The following WDR26 variants were observed in gnomAD, a reference collection of about 807,000 sequenced individuals.
WDR26 encodes the protein WD repeat domain 26.
Under a neutral mutation model 84.1 loss-of-function variants are expected in WDR26, and 5 were observed. That is an observed-to-expected ratio of 0.06 (90% CI 0.03 to 0.13). The LOEUF is 0.13. Ranked by LOEUF, WDR26 falls within the 10% of genes least tolerant of loss-of-function variation. The probability of loss-of-function intolerance (pLI) is 1.00; values close to 1 mark genes in which losing one functional copy is unlikely to be tolerated. For synonymous variants in WDR26, 415 were observed against 389.6 expected (o/e 1.07, Z -0.77); for missense variants, 642 against 974.9 (o/e 0.66, Z 4.55).
chr1:224,404,253 A>G (rs962960807), intron 8 of WDR26, among the ~76,000 whole-genome samples, 177 bp downstream of exon 8: 1 of 152,234 alleles, frequency 6.6e-6, no homozygotes, highest in African/African-American at 2.4e-5. Context: ...TATATTACTG[A>G]GCATAATACT....
rs1159878790 is a variant in WDR26 at position 224,427,542 on chromosome 1, T to C, written c.928-2888A>G. Among the ~76,000 whole-genome samples the C allele has an allele frequency of 3.3e-5, 5 of 152,184 alleles. No individual in the cohort carries two copies. The East Asian group carries it at 9.6e-4, about 29-fold the overall frequency. Reference sequence around the variant, plus strand: ...CAATATAAACACATATTTCTGTATATACAGGGAATGCTATAAAAGTAGCAC... The same window carrying C: ...CAATATAAACACATATTTCTGTATACACAGGGAATGCTATAAAAGTAGCAC... On this transcript the variant is annotated intron_variant, in intron 3 of 13. Transcript: ENST00000414423.
chr1:224,424,806 A>C, intron 3 of WDR26, 152 bp from the exon 4 acceptor site: 1 of 901,318 alleles, frequency 1.1e-6, no homozygotes, highest in South Asian at 1.6e-5. Flanking sequence ...ATTTTAGTTT[A>C]GTAGAGCCAC....
chr1:224,421,024 T>C (rs1674047015), intron 4 of WDR26, among the ~76,000 whole-genome samples: 1 of 152,226 alleles, frequency 6.6e-6, no homozygotes, highest in Non-Finnish European at 1.5e-5. Flanking sequence ...ATTGCTTCTA[T>C]GTCCTTGTGA....
rs1048937559 is a variant in WDR26, at chr1:224,433,707, C to T, written c.699G>A (p.Gln233=). The T allele has an allele frequency of 1.3e-6, 2 of 1,519,206 alleles. No homozygotes were observed. Among genetic ancestry groups the T allele is most frequent in the Admixed American group, 4.0e-5 (2 of 49,620 alleles). The allele number at this position is 1,519,206 out of a possible 1,614,324, so 94.1% of individuals were successfully genotyped here. ...ACTTGAGCCCTAAGCCATTCAAGTG[C>T]TGTCCTATTAGCCTAATGACATCCT... is the stretch of plus-strand genomic sequence containing the variant. Residue 233 remains glutamine (Q), a synonymous_variant, in exon 1 of 14, where the codon CAG becomes CAA. Coordinates refer to ENST00000414423, the MANE Select transcript of WDR26 (RefSeq NM_001379403.1).
At position 224,434,125 on chromosome 1, in the gene WDR26, C is replaced by T. The variant is rs1168296887; in HGVS notation, c.281G>A (p.Ser94Asn). The change falls in exon 1 of 14, where the codon AGC becomes AAC. Residue 94 changes from serine to asparagine, a missense_variant. Ser to Asn is a conservative substitution (Grantham distance 46). Transcript: ENST00000414423. ...CTGCATGATGCTGCCGCTGACCAGG[C>T]TGTGGCCGCTACTTCGGTGGGGGAC... 7.0e-7 allele frequency: 1 copy of T among 1,426,004 alleles called. No individual in the cohort carries two copies. Among genetic ancestry groups the T allele is most frequent in the African/African-American group, 1.4e-5 (1 of 69,222 alleles). The allele number at this position is 1,426,004 out of a possible 1,614,324, so 88.3% of individuals were successfully genotyped here. A position where few individuals can be genotyped will look rare whatever the true frequency, so the allele number is the denominator to read the frequency against.
Position 224,418,247 on chromosome 1 carries a change from G to C in WDR26, c.1319+13C>G, listed in dbSNP as rs751253284. On this transcript the variant is annotated intron_variant, in intron 6 of 13. Coordinates refer to ENST00000414423, the MANE Select transcript of WDR26 (RefSeq NM_001379403.1). The stretch of plus-strand genomic sequence containing the variant: ...GTTAGGCTGTTTCAGAATATAGGAA[G>C]TTTTCCTCTTACCTACTACAAACAT... 31 of 1,589,984 alleles carry C rather than the reference G, an allele frequency of 1.9e-5. No individual in the cohort carries two copies. The highest frequency in any genetic ancestry group is 2.5e-5 in the Non-Finnish European group (29 of 1,170,768).
At position 224,386,360 on chromosome 1, in the gene WDR26, T is replaced by TA. The variant is rs1672992117; in HGVS notation, c.*3474_*3475insT. 1 of 152,606 alleles carries TA rather than the reference T, an allele frequency of 6.6e-6. No individual in the cohort carries two copies. Among genetic ancestry groups the TA allele is most frequent in the East Asian group, 1.9e-4 (1 of 5,204 alleles). 9.5% of individuals were successfully genotyped at this position (152,606 alleles called of 1,614,324 possible). A position where few individuals can be genotyped will look rare whatever the true frequency, so the allele number is the denominator to read the frequency against. On this transcript the variant is annotated 3_prime_UTR_variant, in exon 14 of 14. Transcript: ENST00000414423. Reference sequence around the variant, plus strand: ...AAAGGATATTAAGAAAAATGTCTTCTTTCCTCCCCATTCAAAAGCAGCCAT... The same window carrying TA: ...AAAGGATATTAAGAAAAATGTCTTCTATTCCTCCCCATTCAAAAGCAGCCAT...
chr1:224,402,003 C>T (rs2102895464), intron 8 of WDR26: 1 of 152,232 alleles, frequency 6.6e-6, no homozygotes, highest in South Asian at 2.1e-4. Context: ...TATACACATA[C>T]CATTTAATCT....
chr1:224,408,171 A>C (rs540029679), intron 7 of WDR26, among the ~76,000 whole-genome samples: 1 of 151,996 alleles, frequency 6.6e-6, no homozygotes, highest in South Asian at 2.1e-4. Context: ...TCTACCTAAA[A>C]CTCTTCCCCC....
At chr1:224,406,257 C>T (rs1673546270) in intron 7 of WDR26, among the ~76,000 whole-genome samples, 1 of 152,140 alleles carries the variant, frequency 6.6e-6, no homozygotes, top group South Asian at 2.1e-4. Flanking sequence ...CAAAGACAAC[C>T]TCCAGATTTC....
chr1:224,429,832 T>A lies in WDR26; in HGVS notation c.927+1645A>T, dbSNP rs1164264303. The A allele has an allele frequency of 2.0e-5, 3 of 152,296 alleles. No homozygotes were observed. In the East Asian group the frequency reaches 5.8e-4, roughly 29 times the overall value. The allele number at this position is 152,296 out of a possible 1,614,324, so 9.4% of individuals were successfully genotyped here. A position where few individuals can be genotyped will look rare whatever the true frequency, so the allele number is the denominator to read the frequency against. On this transcript the variant is annotated intron_variant, in intron 3 of 13. Transcript: ENST00000414423. ...AAGGTTTCTAATGAGATAGTCATAA[T>A]CGAAATCCAATACAGAACTCTCAAA...
At chr1:224,390,201 C>T (rs1037884567) in intron 13 of WDR26, among the ~76,000 whole-genome samples, 2 of 152,170 alleles carry the variant, frequency 1.3e-5, no homozygotes, top group African/African-American at 4.8e-5. Context: ...CTCACTGCAA[C>T]CTCTGCCTCC....
At chr1:224,406,172 G>T (rs1673543883) in intron 7 of WDR26, among the ~76,000 whole-genome samples, 1 of 152,102 alleles carries the variant, frequency 6.6e-6, no homozygotes, top group Non-Finnish European at 1.5e-5. Flanking sequence ...ACAACATAGG[G>T]AGATCCCTGT....
intron 3 of WDR26, chr1:224,431,254 T>G: frequency 2.3e-6 from 1 of 429,448 alleles, no homozygotes. Context: ...CAATATATTT[T>G]TTGTAGAGCT....
chr1:224,427,245 A>G (rs959121823), intron 3 of WDR26, among the ~76,000 whole-genome samples: 1 of 151,680 alleles, frequency 6.6e-6, no homozygotes, highest in African/African-American at 2.4e-5. Context: ...TAATTTCTTC[A>G]CTAAATTTTC....
chr1:224,408,633 C>CTTTTTTTTTT (rs67639407), intron 7 of WDR26, among the ~76,000 whole-genome samples: 1 of 115,856 alleles, frequency 8.6e-6, no homozygotes, highest in Non-Finnish European at 1.8e-5. Context: ...TCATCCCATT[C>CTTTTTTTTTT]TTTTTTTTTT....
At chr1:224,410,792 G>C (rs973651582) in intron 7 of WDR26, among the ~76,000 whole-genome samples, 2 of 145,310 alleles carry the variant, frequency 1.4e-5, no homozygotes, top group South Asian at 4.3e-4. Flanking sequence ...TCCACCTCCC[G>C]GGCTCAAGTG....
chr1:224,385,157 A>T lies in WDR26; in HGVS notation c.*4678T>A, dbSNP rs987325888. 3 of 149,752 alleles carry T rather than the reference A, an allele frequency of 2.0e-5. No homozygotes were observed. Among genetic ancestry groups the T allele is most frequent in the African/African-American group, 7.3e-5 (3 of 40,904 alleles). 9.3% of individuals were successfully genotyped at this position (149,752 alleles called of 1,614,324 possible). A position where few individuals can be genotyped will look rare whatever the true frequency, so the allele number is the denominator to read the frequency against. Reference sequence around the variant, plus strand: ...CACACCAAGAATTATTTAGGTATTCATTCTGTTTATTGGATTGAAAGAAAG... The same window carrying T: ...CACACCAAGAATTATTTAGGTATTCTTTCTGTTTATTGGATTGAAAGAAAG... On this transcript the variant is annotated 3_prime_UTR_variant, in exon 14 of 14. Transcript: ENST00000414423.
chr1:224,418,570 C>T (rs747697839), intron 5 of WDR26, among the ~76,000 whole-genome samples, 154 bp from the exon 6 acceptor site: 1 of 152,110 alleles, frequency 6.6e-6, no homozygotes, highest in East Asian at 1.9e-4. Flanking sequence ...GTGAGCTTTA[C>T]GAATATTTGT....
Sources: gnomAD v4.1 joint callset for allele counts (sites outside exome capture counted in the v4.1 genomes callset) on GRCh38, gnomAD v4.1.1 for gene constraint, MANE v1.5 for transcripts, NCBI Gene and HGNC (gene_info 2026-07-23, HGNC 2026-07-21) for gene names.